Variants in SORCS3 observed in about 807,000 individuals in gnomAD.
The protein encoded by SORCS3 is sortilin related VPS10 domain containing receptor 3.
SORCS3 carries 57 observed loss-of-function variants against 146.3 expected under a neutral mutation model. The ratio of observed to expected loss-of-function variants is 0.39; its 90% CI spans 0.31 to 0.49. SORCS3 has a LOEUF of 0.49. SORCS3 is among the 20% of genes least tolerant of loss of function. The pLI is 0.92. For synonymous variants in SORCS3, 653 were observed against 618.5 expected (o/e 1.06, Z -0.83); for missense variants, 1,341 against 1,575.5 (o/e 0.85, Z 2.52).
chr10:104,694,955 C>T (rs559767259), intron 1 of SORCS3, among the ~76,000 whole-genome samples: 105 of 152,246 alleles, frequency 6.9e-4, no homozygotes, highest in Non-Finnish European at 1.1e-3. Flanking sequence ...AACTCTTAGA[C>T]CAAACAGCTT....
At position 105,187,431 on chromosome 10, in the gene SORCS3, T is replaced by A. The variant is rs1953071; in HGVS notation, c.2009+9258T>A. ...TCCTTTACCACTAATCCCATCTACA[T>A]CCTAATGGGAAAACAATCAGGTGGC... On this transcript the variant is annotated intron_variant, in intron 14 of 26. Transcript: ENST00000369701. Among the ~76,000 whole-genome samples, 24 of 152,094 alleles carry A rather than the reference T, an allele frequency of 1.6e-4. No individual in the cohort carries two copies. The East Asian group carries it at 3.9e-3, about 25-fold the overall frequency.
At chr10:104,816,736 A>G (rs1220151202) in intron 1 of SORCS3, among the ~76,000 whole-genome samples, 2 of 152,186 alleles carry the variant, frequency 1.3e-5, no homozygotes, top group African/African-American at 4.8e-5. Context: ...CTGCTGTGTG[A>G]CTGGGGAGGT....
intron 1 of SORCS3, among the ~76,000 whole-genome samples, chr10:104,809,718 C>T (rs1327065658): frequency 2.0e-5 from 3 of 152,198 alleles, no homozygotes; most frequent in African/African-American, 7.2e-5. Flanking sequence ...CCTTCCAGCT[C>T]TTACTCATGA....
intron 1 of SORCS3, among the ~76,000 whole-genome samples, chr10:104,820,618 G>A (rs12259933): frequency 0.36 from 55,142 of 151,876 alleles, 10,975 homozygotes; most frequent in East Asian, 0.66. Flanking sequence ...GTTCTGTTTG[G>A]TCATGCCTAA....
In SORCS3 at chr10:104,851,756, T is replaced by C. The variant is rs564158690; in HGVS notation, c.695+8897T>C. Among the ~76,000 whole-genome samples, 3 of 152,366 alleles carry C rather than the reference T, an allele frequency of 2.0e-5. No individual in the cohort carries two copies. In the East Asian group the frequency reaches 5.8e-4, roughly 29 times the overall value. ...TTGATATACCCCATTCCTGCTTATATATATAATGACTATAAAGATTAGGTA... is the reference window on the plus strand; with the variant it reads ...TTGATATACCCCATTCCTGCTTATACATATAATGACTATAAAGATTAGGTA... On this transcript the variant is annotated intron_variant, in intron 2 of 26. Transcript: ENST00000369701.
intron 1 of SORCS3, among the ~76,000 whole-genome samples, chr10:104,767,834 C>T (rs1415306081): frequency 6.7e-6 from 1 of 149,236 alleles, no homozygotes; most frequent in African/African-American, 2.5e-5. Context: ...CCCTCTCCTC[C>T]CCTTCCTCCT....
intron 2 of SORCS3, among the ~76,000 whole-genome samples, chr10:104,853,489 T>C (rs1042805363): frequency 6.6e-6 from 1 of 152,150 alleles, no homozygotes; most frequent in Non-Finnish European, 1.5e-5. Context: ...AAAACCCCAG[T>C]AGTGACAAAA....
intron 20 of SORCS3, among the ~76,000 whole-genome samples, chr10:105,244,335 T>C (rs559113892): frequency 6.6e-6 from 1 of 152,170 alleles, no homozygotes; most frequent in African/African-American, 2.4e-5. Flanking sequence ...AATGTACAGG[T>C]CCACTTATAT....
At chr10:104,825,476 A>G (rs2017924822) in intron 1 of SORCS3, among the ~76,000 whole-genome samples, 1 of 152,182 alleles carries the variant, frequency 6.6e-6, no homozygotes, top group African/African-American at 2.4e-5. Flanking sequence ...TGTGTTAATG[A>G]TCATCTCTGG....
intron 10 of SORCS3, 82 bp from the exon 11 acceptor site, chr10:105,158,810 A>G (rs1480909423): frequency 1.1e-5 from 12 of 1,057,154 alleles, no homozygotes; most frequent in East Asian, 2.4e-5. Flanking sequence ...GGAGCTGAAC[A>G]TCGGGAAGCC....
intron 7 of SORCS3, among the ~76,000 whole-genome samples, chr10:105,137,183 G>T (rs1243738940): frequency 3.3e-5 from 5 of 152,132 alleles, no homozygotes; most frequent in Non-Finnish European, 7.4e-5. Flanking sequence ...TTTAATTGAT[G>T]ATCTCTGGCC....
rs1434438222 is a variant in SORCS3, at chr10:104,696,495, A to G, written c.627+54541A>G. Among the ~76,000 whole-genome samples the G allele has an allele frequency of 1.2e-4, 3 of 24,210 alleles. 1 individual carries two copies. Among genetic ancestry groups the G allele is most frequent in the African/African-American group, 2.5e-4 (2 of 8,080 alleles). The allele number at this position is 24,210 out of a possible 152,430, so 15.9% of individuals were successfully genotyped here. A position where few individuals can be genotyped will look rare whatever the true frequency, so the allele number is the denominator to read the frequency against. On this transcript the variant is annotated intron_variant, in intron 1 of 26. Coordinates refer to ENST00000369701, the MANE Select transcript of SORCS3 (RefSeq NM_014978.3). Reference sequence around the variant, plus strand: ...TAGAATATAGAATATATAATATATAATATATATAATATATAATATATAATA... The same window carrying G: ...TAGAATATAGAATATATAATATATAGTATATATAATATATAATATATAATA...
chr10:105,252,193 AT>A, intron 22 of SORCS3, among the ~76,000 whole-genome samples: 1 of 152,278 alleles, frequency 6.6e-6, no homozygotes, highest in African/African-American at 2.4e-5. Context: ...GGGTATGAAT[AT>A]TTTTATGGCC....
chr10:105,045,533 T>C (rs1048053654), intron 5 of SORCS3, among the ~76,000 whole-genome samples: 1 of 152,168 alleles, frequency 6.6e-6, no homozygotes, highest in Non-Finnish European at 1.5e-5. Context: ...AGACATTTTT[T>C]TTTAATCCAA....
chr10:104,780,697 ATG>A (rs2017364567), intron 1 of SORCS3, among the ~76,000 whole-genome samples: 1 of 152,216 alleles, frequency 6.6e-6, no homozygotes, highest in Admixed American at 6.5e-5. Flanking sequence ...ATGCTGAATT[ATG>A]GCTCTGAAAC....
At position 104,654,735 on chromosome 10, in the gene SORCS3, C is replaced by G. The variant is rs531787612; in HGVS notation, c.627+12781C>G. ...TGCTATTTGGCATTATATGTGTCTC[C>G]CCTTCTACTCATGGACTGATGAAGG... On this transcript the variant is annotated intron_variant, in intron 1 of 26. Transcript: ENST00000369701. Among the ~76,000 whole-genome samples the G allele has an allele frequency of 1.3e-4, 20 of 152,192 alleles. No homozygotes were observed. The South Asian group carries it at 2.1e-3, about 16-fold the overall frequency.
chr10:104,778,647 A>G (rs925464957), intron 1 of SORCS3, among the ~76,000 whole-genome samples: 2 of 152,230 alleles, frequency 1.3e-5, no homozygotes, highest in African/African-American at 2.4e-5. Context: ...GTTAACAATA[A>G]TAATGAGACC....
At chr10:105,057,412 C>G (rs147651751) in intron 5 of SORCS3, among the ~76,000 whole-genome samples, 1 of 152,128 alleles carries the variant, frequency 6.6e-6, no homozygotes, top group Non-Finnish European at 1.5e-5. Flanking sequence ...TCCAGGTTGT[C>G]TTTCCTTAGT....
At chr10:105,139,314 T>C in intron 7 of SORCS3, 83 bp from the exon 8 acceptor site, 1 of 1,000,698 alleles carries the variant, frequency 1.0e-6, no homozygotes, top group Admixed American at 1.8e-5. Flanking sequence ...CCATTGTGGT[T>C]GTTGATAGAA....
Sources: gnomAD v4.1 joint callset for allele counts (sites outside exome capture counted in the v4.1 genomes callset) on GRCh38, gnomAD v4.1.1 for gene constraint, MANE v1.5 for transcripts, NCBI Gene and HGNC (gene_info 2026-07-23, HGNC 2026-07-21) for gene names.